NALCN: variants seen among roughly 807,000 people sequenced by gnomAD.
The protein encoded by NALCN is sodium leak channel, non-selective, also known as sodium leak channel NALCN.
Under a neutral mutation model 225.3 loss-of-function variants are expected in NALCN, and 111 were observed. The ratio of observed to expected loss-of-function variants is 0.49; its 90% CI spans 0.42 to 0.58. The LOEUF is 0.58. Ranked by LOEUF, NALCN falls within the 20% of genes least tolerant of loss-of-function variation. NALCN has a pLI of 0.00. For missense variants in NALCN, 1,378 were observed against 2,202.4 expected (o/e 0.63, Z 7.49); for synonymous variants, 764 against 769.0 (o/e 0.99, Z 0.11).
chr13:101,185,615 A>C (rs1004071479), intron 14 of NALCN, among the ~76,000 whole-genome samples: 11 of 152,222 alleles, frequency 7.2e-5, no homozygotes, highest in African/African-American at 2.7e-4. Flanking sequence ...CGGAAGAGAG[A>C]GATGTTTGAA....
chr13:101,169,310 A>G (rs1469643284), intron 15 of NALCN, among the ~76,000 whole-genome samples: 1 of 152,074 alleles, frequency 6.6e-6, no homozygotes, highest in Non-Finnish European at 1.5e-5. Context: ...ATCTCAGCCT[A>G]TCTTAGCCTA....
intron 9 of NALCN, among the ~76,000 whole-genome samples, chr13:101,285,463 C>G (rs2043306321): frequency 6.7e-6 from 1 of 149,808 alleles, no homozygotes; most frequent in South Asian, 2.1e-4. Flanking sequence ...CAATGCCCAA[C>G]TAATTTTTGT....
intron 6 of NALCN, among the ~76,000 whole-genome samples, chr13:101,359,015 T>C (rs1383724785): frequency 1.3e-5 from 2 of 149,198 alleles, no homozygotes; most frequent in Admixed American, 6.7e-5. Context: ...CAACACATAC[T>C]GGGGTCTGTC....
Position 101,357,786 on chromosome 13 carries a change from T to C in NALCN, c.645-12366A>G, listed in dbSNP as rs922954732. On this transcript the variant is annotated intron_variant, in intron 6 of 43. Transcript: ENST00000251127. ...CATCATGCTACCTGACTTCAAACTA[T>C]ACTACAAGGCTAGAGTAACCAAAAC... Among the ~76,000 whole-genome samples the C allele has an allele frequency of 2.6e-5, 4 of 152,156 alleles. No individual in the cohort carries two copies. The East Asian group carries it at 5.8e-4, about 22-fold the overall frequency.
At chr13:101,356,317 A>G (rs1368992002) in intron 6 of NALCN, among the ~76,000 whole-genome samples, 1 of 152,212 alleles carries the variant, frequency 6.6e-6, no homozygotes, top group Non-Finnish European at 1.5e-5. Flanking sequence ...CTGATAAAGA[A>G]GAAAAGAGAG....
At chr13:101,325,708 T>G (rs1425950810) in intron 7 of NALCN, among the ~76,000 whole-genome samples, 1 of 152,182 alleles carries the variant, frequency 6.6e-6, no homozygotes, top group Non-Finnish European at 1.5e-5. Flanking sequence ...GCAAGCTAAT[T>G]AACCCCTCCA....
intron 7 of NALCN, among the ~76,000 whole-genome samples, chr13:101,322,383 G>A (rs2044774652): frequency 6.6e-6 from 1 of 152,184 alleles, no homozygotes; most frequent in African/African-American, 2.4e-5. Context: ...CACATGCTAG[G>A]CTAAGCAGTG....
At chr13:101,199,833 C>A (rs2040045211) in intron 13 of NALCN, among the ~76,000 whole-genome samples, 1 of 151,952 alleles carries the variant, frequency 6.6e-6, no homozygotes. Flanking sequence ...CAGGGATGCT[C>A]CGGGTGAAAA....
intron 9 of NALCN, among the ~76,000 whole-genome samples, chr13:101,289,587 C>G (rs2043475566): frequency 6.7e-6 from 1 of 150,234 alleles, no homozygotes; most frequent in Non-Finnish European, 1.5e-5. Flanking sequence ...TATGGGAAGT[C>G]TGCAGACTTA....
intron 14 of NALCN, among the ~76,000 whole-genome samples, chr13:101,177,455 T>C (rs1005961468): frequency 7.4e-6 from 1 of 135,442 alleles, no homozygotes. Context: ...ACTATGCATA[T>C]AACGGAGTAA....
chr13:101,105,428 G>A (rs1475046257), intron 22 of NALCN, among the ~76,000 whole-genome samples: 1 of 152,166 alleles, frequency 6.6e-6, no homozygotes, highest in Non-Finnish European at 1.5e-5. Flanking sequence ...GAGAGTCGTT[G>A]TTTCTACTTT....
intron 6 of NALCN, among the ~76,000 whole-genome samples, chr13:101,357,906 G>A (rs144173879): frequency 0.032 from 4,902 of 152,140 alleles, 266 homozygotes; most frequent in African/African-American, 0.11. Flanking sequence ...TCTGATCTTT[G>A]ACAAACCTGA....
At chr13:101,342,218 G>A (rs994304649) in intron 7 of NALCN, among the ~76,000 whole-genome samples, 1 of 152,116 alleles carries the variant, frequency 6.6e-6, no homozygotes, top group African/African-American at 2.4e-5. Context: ...TTAATCACCT[G>A]GAGAGCCTTT....
chr13:101,233,583 AC>A (rs2041436685), intron 12 of NALCN, among the ~76,000 whole-genome samples: 1 of 151,526 alleles, frequency 6.6e-6, no homozygotes, highest in Non-Finnish European at 1.5e-5. Flanking sequence ...CTCGTGATCC[AC>A]CCGCCTCGGC....
intron 7 of NALCN, among the ~76,000 whole-genome samples, chr13:101,343,023 T>G (rs915463425): frequency 1.1e-4 from 17 of 152,284 alleles, no homozygotes; most frequent in South Asian, 6.2e-4. Context: ...TTCAAGTATA[T>G]TAGCCAAATT....
At chr13:101,414,979 C>T (rs761753159) in intron 1 of NALCN, among the ~76,000 whole-genome samples, 4 of 147,572 alleles carry the variant, frequency 2.7e-5, no homozygotes, top group Non-Finnish European at 4.4e-5. Flanking sequence ...GAAAAATCGA[C>T]TCTAGAAAAG....
At chr13:101,087,354 AG>A (rs1291382281) in intron 30 of NALCN, among the ~76,000 whole-genome samples, 5 of 152,034 alleles carry the variant, frequency 3.3e-5, no homozygotes, top group Non-Finnish European at 5.9e-5. Context: ...TTTAGTGTTT[AG>A]GTTAGTTCAC....
chr13:101,385,849 A>G (rs1430672153), intron 3 of NALCN, among the ~76,000 whole-genome samples: 1 of 152,180 alleles, frequency 6.6e-6, no homozygotes, highest in Non-Finnish European at 1.5e-5. Flanking sequence ...CAGTTGCACA[A>G]TTCTGGATTC....
intron 16 of NALCN, among the ~76,000 whole-genome samples, 164 bp downstream of exon 16, chr13:101,144,592 GTTTA>G (rs959956140): frequency 1.1e-4 from 17 of 152,160 alleles, no homozygotes; most frequent in African/African-American, 3.9e-4. Context: ...AGTCAAAGTT[GTTTA>G]TTTATTTATT....
Sources: gnomAD v4.1 joint callset for allele counts (sites outside exome capture counted in the v4.1 genomes callset) on GRCh38, gnomAD v4.1.1 for gene constraint, MANE v1.5 for transcripts, NCBI Gene and HGNC (gene_info 2026-07-23, HGNC 2026-07-21) for gene names.